Variants in CNTLN observed in about 807,000 individuals in gnomAD.
CNTLN encodes centlein, centrosomal protein.
CNTLN carries 212 observed loss-of-function variants against 180.0 expected under a neutral mutation model. The ratio of observed to expected loss-of-function variants is 1.18; its 90% CI spans 1.05 to 1.32. The LOEUF is 1.32. Among genes scored for constraint, CNTLN ranks in the 40% most tolerant of loss-of-function variants. The pLI, the probability that CNTLN is intolerant of heterozygous loss-of-function variation, is 0.00. For missense variants in CNTLN, 2,095 were observed against 1,610.9 expected (o/e 1.30, Z -5.14); for synonymous variants, 722 against 563.1 (o/e 1.28, Z -3.99).
At chr9:17,429,294 T>C (rs1829272365) in intron 18 of CNTLN, among the ~76,000 whole-genome samples, 1 of 152,028 alleles carries the variant, frequency 6.6e-6, no homozygotes, top group Non-Finnish European at 1.5e-5. Flanking sequence ...ACTTCTTAGC[T>C]ATAACAGAAG....
In CNTLN at chr9:17,281,987, G is replaced by A. The variant is rs145313330; in HGVS notation, c.983+8121G>A. On this transcript the variant is annotated intron_variant, in intron 6 of 25. Coordinates refer to ENST00000380647, the MANE Select transcript of CNTLN (RefSeq NM_017738.4). ...ACTTTTTTTTTGTTTGTTTTGAGAC[G>A]AAGTCTCGCTCTGTTGCCAGGCTGG... Among the ~76,000 whole-genome samples, 469 of 152,082 alleles carry A rather than the reference G, an allele frequency of 3.1e-3. 4 individuals carry two copies. Among genetic ancestry groups the A allele is most frequent in the African/African-American group, 0.011 (446 of 41,500 alleles).
intron 3 of CNTLN, among the ~76,000 whole-genome samples, chr9:17,235,025 G>T (rs1372418620): frequency 1.3e-5 from 2 of 152,116 alleles, no homozygotes; most frequent in African/African-American, 4.8e-5. Context: ...AGCCAAGAGA[G>T]GTGCTACATT....
chr9:17,152,761 G>A (rs888553637), intron 2 of CNTLN, among the ~76,000 whole-genome samples: 3 of 152,146 alleles, frequency 2.0e-5, no homozygotes, highest in Non-Finnish European at 4.4e-5. Context: ...ACAGTGGGGT[G>A]TCAAACTCAC....
At chr9:17,192,231 G>T (rs999665405) in intron 2 of CNTLN, among the ~76,000 whole-genome samples, 1 of 150,560 alleles carries the variant, frequency 6.6e-6, no homozygotes, top group African/African-American at 2.4e-5. Flanking sequence ...TCTGAGGTAG[G>T]CCCTATTCTT....
chr9:17,437,829 G>A (rs929619458), intron 18 of CNTLN, among the ~76,000 whole-genome samples: 17 of 152,180 alleles, frequency 1.1e-4, no homozygotes, highest in Middle Eastern at 3.2e-3. Context: ...GTGTGTGTGT[G>A]TATATATAAC....
chr9:17,450,018 G>C (rs1830691502), intron 18 of CNTLN, among the ~76,000 whole-genome samples: 1 of 152,148 alleles, frequency 6.6e-6, no homozygotes, highest in Non-Finnish European at 1.5e-5. Flanking sequence ...ACATTAGCTA[G>C]AACTTGTGTT....
At chr9:17,301,781 G>A (rs632176) in intron 7 of CNTLN, 141,279 of 973,404 alleles carry the variant, frequency 0.15, 11,991 homozygotes, top group African/African-American at 0.35. Flanking sequence ...GTGGCTGTAT[G>A]TAGTTATTTT....
chr9:17,427,048 C>T (rs1829131234), intron 18 of CNTLN, among the ~76,000 whole-genome samples: 1 of 152,092 alleles, frequency 6.6e-6, no homozygotes, highest in African/African-American at 2.4e-5. Context: ...TCTATCCTAG[C>T]AATATTTTTT....
In CNTLN at chr9:17,400,952, G is replaced by A. The variant is rs7866153; in HGVS notation, c.2615+5883G>A. Among the ~76,000 whole-genome samples the A allele has an allele frequency of 8.8e-3, 1,338 of 152,168 alleles. 21 individuals carry two copies. Among genetic ancestry groups the A allele is most frequent in the African/African-American group, 0.03 (1,255 of 41,512 alleles). The stretch of plus-strand genomic sequence containing the variant: ...TCCACACACACATAAAAATCTTTAT[G>A]ATTGCAAAGATTTTTAATCTTGGAA... On this transcript the variant is annotated intron_variant, in intron 15 of 25. Coordinates refer to ENST00000380647, the MANE Select transcript of CNTLN (RefSeq NM_017738.4).
At chr9:17,401,813 G>A (rs972528301) in intron 15 of CNTLN, among the ~76,000 whole-genome samples, 1 of 118,544 alleles carries the variant, frequency 8.4e-6, no homozygotes, top group African/African-American at 2.5e-5. Context: ...ATGAAAAAGC[G>A]TTAATAGAAC....
intron 14 of CNTLN, among the ~76,000 whole-genome samples, chr9:17,391,612 C>G (rs567847699): frequency 1.3e-5 from 2 of 152,194 alleles, no homozygotes; most frequent in South Asian, 2.1e-4. Context: ...TGCTAATTTC[C>G]AGAATTGGAA....
the CNTLN span, among the ~76,000 whole-genome samples, chr9:17,514,414 G>A: frequency 6.6e-6 from 1 of 152,070 alleles, no homozygotes; most frequent in Non-Finnish European, 1.5e-5. Context: ...AGGACCAGAT[G>A]ACTTTATCAT....
Position 17,464,481 on chromosome 9 carries a change from C to A in CNTLN, c.3405-16C>A. The A allele has an allele frequency of 8.7e-7, 1 of 1,148,130 alleles. No individual in the cohort carries two copies. The highest frequency in any genetic ancestry group is 1.2e-6 in the Non-Finnish European group (1 of 850,990). The allele number at this position is 1,148,130 out of a possible 1,614,324, so 71.1% of individuals were successfully genotyped here. A position where few individuals can be genotyped will look rare whatever the true frequency, so the allele number is the denominator to read the frequency against. ...TATTTTCTGTCACTCTTGATGTCAC[C>A]TTTTTTTTTTTCAAGGATATCTCGA... On this transcript the variant is annotated splice_polypyrimidine_tract_variant and intron_variant, in intron 20 of 25. Coordinates refer to ENST00000380647, the MANE Select transcript of CNTLN (RefSeq NM_017738.4).
At chr9:17,369,982 T>C (rs1426488444) in intron 13 of CNTLN, among the ~76,000 whole-genome samples, 2 of 140,378 alleles carry the variant, frequency 1.4e-5, no homozygotes, top group Non-Finnish European at 3.0e-5. Context: ...CGAGACTCCA[T>C]CTCGAAAAAA....
At chr9:17,227,173 C>A (rs1824525838) in intron 3 of CNTLN, among the ~76,000 whole-genome samples, 1 of 151,696 alleles carries the variant, frequency 6.6e-6, no homozygotes, top group Non-Finnish European at 1.5e-5. Flanking sequence ...ACCCTCATGA[C>A]CCAAACACCC....
At chr9:17,219,778 AT>A (rs1408155060) in intron 2 of CNTLN, among the ~76,000 whole-genome samples, 18 of 152,032 alleles carry the variant, frequency 1.2e-4, no homozygotes, top group African/African-American at 4.1e-4. Flanking sequence ...ACAAACATTT[AT>A]TCTCATGGTT....
chr9:17,474,676 C>T lies in CNTLN; in HGVS notation c.3855+7785C>T, dbSNP rs560515818. Among the ~76,000 whole-genome samples, 8 of 152,186 alleles carry T rather than the reference C, an allele frequency of 5.3e-5. No individual in the cohort carries two copies. In the South Asian group the frequency reaches 1.7e-3, roughly 32 times the overall value. On this transcript the variant is annotated intron_variant, in intron 23 of 25. Transcript: ENST00000380647. ...TTGAAGCCAGGAGTTCAAGACCAGC[C>T]TGGCCAACATGGTGAAACCCCGTCT...
rs1407657047 is a variant in CNTLN, at chr9:17,366,703, CAG to C, written c.1979_1980del (p.Arg660LysfsTer7). The C allele has an allele frequency of 6.4e-7, 1 of 1,563,714 alleles. No individual in the cohort carries two copies. The highest frequency in any genetic ancestry group is 8.7e-7 in the Non-Finnish European group (1 of 1,146,870). On this transcript the variant is annotated frameshift_variant, in exon 13 of 26. Coordinates refer to ENST00000380647, the MANE Select transcript of CNTLN (RefSeq NM_017738.4). LOFTEE classifies it high-confidence loss of function. Reference sequence around the variant, plus strand: ...ATACAAGAATTGAATAGATGTGTGGCAGAGAGAAGAGAAGGTAAATTTTCAGA... The same window carrying C: ...ATACAAGAATTGAATAGATGTGTGGCAGAGAAGAGAAGGTAAATTTTCAGA...
At chr9:17,201,822 G>T (rs966666814) in intron 2 of CNTLN, among the ~76,000 whole-genome samples, 20 of 151,508 alleles carry the variant, frequency 1.3e-4, no homozygotes, top group African/African-American at 4.9e-4. Flanking sequence ...GGTTTTTCAG[G>T]TCTCTGTCTC....
Sources: allele counts gnomAD v4.1 joint callset (sites outside exome capture counted in the v4.1 genomes callset), GRCh38; gene constraint gnomAD v4.1.1; transcripts MANE v1.5; gene names NCBI Gene and HGNC (gene_info 2026-07-23, HGNC 2026-07-21).